TSPAN9: variants seen among roughly 807,000 people sequenced by gnomAD.
The protein encoded by TSPAN9 is tetraspanin 9, also known as tetraspanin-9.
In TSPAN9, 16 loss-of-function variants were observed where a neutral mutation model predicts 31.0. The observed-to-expected ratio is 0.52, with a 90% CI of 0.35 to 0.78. The LOEUF (loss-of-function observed/expected upper bound fraction) is 0.78. TSPAN9 is among the 30% of genes least tolerant of loss of function. TSPAN9 has a pLI of 0.01. For missense variants in TSPAN9, 272 were observed against 312.5 expected (o/e 0.87, Z 0.98); for synonymous variants, 145 against 121.6 (o/e 1.19, Z -1.27).
At chr12:3,275,230 G>A (rs1241822840) in intron 3 of TSPAN9, among the ~76,000 whole-genome samples, 3 of 152,184 alleles carry the variant, frequency 2.0e-5, no homozygotes, top group Admixed American at 6.5e-5. Context: ...GAGAGGGCTC[G>A]GAAGGGGCCC....
chr12:3,096,052 CT>C (rs1374936944), intron 2 of TSPAN9, among the ~76,000 whole-genome samples: 1 of 151,828 alleles, frequency 6.6e-6, no homozygotes, highest in Non-Finnish European at 1.5e-5. Flanking sequence ...CCGGGCGGCG[CT>C]CCCGGCGCGG....
At position 3,260,249 on chromosome 12, in the gene TSPAN9, T is replaced by C. The variant is rs980146735; in HGVS notation, c.64-18172T>C. Among the ~76,000 whole-genome samples, 5 of 152,198 alleles carry C rather than the reference T, an allele frequency of 3.3e-5. No homozygotes were observed. The South Asian group carries it at 1.0e-3, about 32-fold the overall frequency. ...ATAGTTTGTGCTTAATAAGTGACTATGGAAAGAGCAAGATGATGGCGTGAA... is the reference window on the plus strand; with the variant it reads ...ATAGTTTGTGCTTAATAAGTGACTACGGAAAGAGCAAGATGATGGCGTGAA... On this transcript the variant is annotated intron_variant, in intron 3 of 8. Transcript: ENST00000011898.
At chr12:3,157,001 C>T (rs75844952) in intron 2 of TSPAN9, among the ~76,000 whole-genome samples, 1 of 152,058 alleles carries the variant, frequency 6.6e-6, no homozygotes, top group Admixed American at 6.5e-5. Flanking sequence ...AGTACCTTTG[C>T]AGTATTGAGT....
chr12:3,082,285 G>T (rs2098298338), intron 1 of TSPAN9, among the ~76,000 whole-genome samples: 1 of 152,240 alleles, frequency 6.6e-6, no homozygotes, highest in Non-Finnish European at 1.5e-5. Context: ...CTGGGGCTAG[G>T]CACTGAGAAA....
chr12:3,268,207 CGTTCCTGCAGCCTGCCCTCTCTGT>C (rs1407593496), intron 3 of TSPAN9, among the ~76,000 whole-genome samples: 113 of 114,154 alleles, frequency 9.9e-4, no homozygotes, highest in Non-Finnish European at 1.3e-3. Context: ...GCCCTCTGTG[CGTTCCTGCAGCCTGCCCTCTCTGT>C]GTTCCTGCAG....
Position 3,280,769 on chromosome 12 carries a change from G to C in TSPAN9, c.432+286G>C, listed in dbSNP as rs1175778363. Among the ~76,000 whole-genome samples, 4 of 152,236 alleles carry C rather than the reference G, an allele frequency of 2.6e-5. No individual in the cohort carries two copies. The highest frequency in any genetic ancestry group is 2.1e-4 in the South Asian group (1 of 4,828). ...ATTTTAGCAACAGATTTGCCTCCATGATGGGGCTTGGCTTAGGTGAGGAGG... is the reference window on the plus strand; with the variant it reads ...ATTTTAGCAACAGATTTGCCTCCATCATGGGGCTTGGCTTAGGTGAGGAGG... On this transcript the variant is annotated intron_variant, in intron 6 of 8. Coordinates refer to ENST00000011898, the MANE Select transcript of TSPAN9 (RefSeq NM_006675.5). This position sits in a 1 kb window ranked among gnomAD's most constrained non-coding sequence, Gnocchi z 4.5.
chr12:3,174,673 C>T (rs1565602297), intron 2 of TSPAN9, among the ~76,000 whole-genome samples: 1 of 152,074 alleles, frequency 6.6e-6, no homozygotes, highest in Admixed American at 6.6e-5. Flanking sequence ...AGCTCCGCCT[C>T]CCGGGTTCGC....
chr12:3,223,218 A>G lies in TSPAN9; in HGVS notation c.63+21962A>G, dbSNP rs997790090. On this transcript the variant is annotated intron_variant, in intron 3 of 8. Coordinates refer to ENST00000011898, the MANE Select transcript of TSPAN9 (RefSeq NM_006675.5). Reference sequence around the variant, plus strand: ...ACATGGGTAGTTGGATGACATTAACATGAGAAATGTGCTGTAGTCGTCATC... The same window carrying G: ...ACATGGGTAGTTGGATGACATTAACGTGAGAAATGTGCTGTAGTCGTCATC... Among the ~76,000 whole-genome samples the G allele has an allele frequency of 2.6e-5, 4 of 152,326 alleles. No individual in the cohort carries two copies. The South Asian group carries it at 8.3e-4, about 32-fold the overall frequency.
intron 2 of TSPAN9, among the ~76,000 whole-genome samples, chr12:3,171,478 T>A (rs1176116513): frequency 6.6e-6 from 1 of 152,210 alleles, no homozygotes; most frequent in Non-Finnish European, 1.5e-5. Context: ...TAGCCCCTGC[T>A]GTCCCCTCTC....
chr12:3,136,998 TGTG>T, intron 2 of TSPAN9, among the ~76,000 whole-genome samples: 1 of 152,244 alleles, frequency 6.6e-6, no homozygotes, highest in Non-Finnish European at 1.5e-5. Context: ...ATTGTGTGCT[TGTG>T]GTGGGATCTG....
At chr12:3,200,938 C>G (rs2098371195) in intron 2 of TSPAN9, 1 of 457,392 alleles carries the variant, frequency 2.2e-6, no homozygotes, top group Non-Finnish European at 3.8e-6. Flanking sequence ...AGTCGAGTAG[C>G]GAGGATTCTT....
intron 2 of TSPAN9, among the ~76,000 whole-genome samples, chr12:3,135,172 C>T (rs533416628): frequency 1.1e-4 from 16 of 152,246 alleles, no homozygotes; most frequent in African/African-American, 3.1e-4. Context: ...AGCCTCGAAC[C>T]TCCTGTGCTC....
At chr12:3,206,461 GAGCCC>G (rs2098375238) in intron 3 of TSPAN9, 1 of 418,434 alleles carries the variant, frequency 2.4e-6, no homozygotes, top group African/African-American at 2.0e-5. Context: ...CCTGCACCCA[GAGCCC>G]TGGTGGCCTG....
At chr12:3,278,346 G>T in intron 3 of TSPAN9, 75 bp from the exon 4 acceptor site, 2 of 1,558,838 alleles carry the variant, frequency 1.3e-6, no homozygotes, top group Non-Finnish European at 1.7e-6. Flanking sequence ...CATGGGGTGG[G>T]GACCTGCACT....
At chr12:3,251,750 G>C (rs913722371) in intron 3 of TSPAN9, among the ~76,000 whole-genome samples, 4 of 152,208 alleles carry the variant, frequency 2.6e-5, no homozygotes, top group African/African-American at 9.6e-5. Context: ...GGCACCAGCT[G>C]TCAGCCCCTG....
intron 2 of TSPAN9, among the ~76,000 whole-genome samples, chr12:3,118,253 G>A (rs954716447): frequency 2.5e-4 from 7 of 27,474 alleles, no homozygotes; most frequent in East Asian, 1.8e-3. Flanking sequence ...CCCTGCACCC[G>A]CCGTTTTTTT....
chr12:3,155,606 AAAAT>A (rs771662333), intron 2 of TSPAN9, among the ~76,000 whole-genome samples: 8 of 148,690 alleles, frequency 5.4e-5, no homozygotes, highest in African/African-American at 1.2e-4. Flanking sequence ...TAAAAAAAAA[AAAAT>A]AAAGAGGGAG....
At chr12:3,245,654 T>C (rs1440663940) in intron 3 of TSPAN9, among the ~76,000 whole-genome samples, 34 of 152,216 alleles carry the variant, frequency 2.2e-4, no homozygotes, top group Admixed American at 2.2e-3. Flanking sequence ...AAAACAGTCA[T>C]AAGAGGGGGT....
chr12:3,284,777 G>A lies in TSPAN9; in HGVS notation c.*1661G>A, dbSNP rs1862981179. On this transcript the variant is annotated 3_prime_UTR_variant, in exon 9 of 9. Coordinates refer to ENST00000011898, the MANE Select transcript of TSPAN9 (RefSeq NM_006675.5). ...CACTTGATCAGGTGGGGCCTTGGTG[G>A]GCGGCTGCCTTTCCTATACAGTTTG... 1 of 152,226 alleles carries A rather than the reference G, an allele frequency of 6.6e-6. No homozygotes were observed. The highest frequency in any genetic ancestry group is 2.1e-4 in the South Asian group (1 of 4,832). The allele number at this position is 152,226 out of a possible 1,614,324, so 9.4% of individuals were successfully genotyped here.
Sources: allele counts gnomAD v4.1 joint callset (sites outside exome capture counted in the v4.1 genomes callset), GRCh38; gene constraint gnomAD v4.1.1; non-coding constraint Gnocchi (gnomAD v3.1); transcripts MANE v1.5; gene names NCBI Gene and HGNC (gene_info 2026-07-23, HGNC 2026-07-21).